FSHR: variants seen among roughly 807,000 people sequenced by gnomAD.
FSHR encodes follicle stimulating hormone receptor.
In FSHR, 46 loss-of-function variants were observed where a neutral mutation model predicts 52.1. That is an observed-to-expected ratio of 0.88 (90% CI 0.70 to 1.13). FSHR has a LOEUF of 1.13. Among genes scored for constraint, FSHR ranks in the 50% most tolerant of loss-of-function variants. The probability of loss-of-function intolerance (pLI) is 0.00; values close to 1 mark genes in which losing one functional copy is unlikely to be tolerated. For missense variants in FSHR, 964 were observed against 834.6 expected, an observed-to-expected ratio of 1.16 and a Z score of -1.91; for synonymous variants, 399 against 309.6, an observed-to-expected ratio of 1.29 and a Z score of -3.03.
chr2:49,039,457 T>C (rs756589829), intron 2 of FSHR, among the ~76,000 whole-genome samples: 5 of 152,212 alleles, frequency 3.3e-5, no homozygotes, highest in Non-Finnish European at 5.9e-5. Context: ...CAGAGCAGTA[T>C]ACAAAGGTCA....
chr2:49,099,523 A>G (rs1344609483), intron 1 of FSHR, among the ~76,000 whole-genome samples: 3 of 152,180 alleles, frequency 2.0e-5, no homozygotes, highest in African/African-American at 7.2e-5. Flanking sequence ...ACCTGTGAAC[A>G]TGACCTTATT....
rs927433744 is a variant in FSHR, at chr2:49,018,470, C to T, written c.300-907G>A. On this transcript the variant is annotated intron_variant, in intron 3 of 9. Coordinates refer to ENST00000406846, the MANE Select transcript of FSHR (RefSeq NM_000145.4). ...ACCAGGCAATTAATCATTTTAAGTA[C>T]AGTCAGTGCTACATGGAGGTGAGCA... Among the ~76,000 whole-genome samples, 16 of 152,300 alleles carry T rather than the reference C, an allele frequency of 1.1e-4. 1 individual carries two copies. The East Asian group carries it at 2.7e-3, about 26-fold the overall frequency.
intron 1 of FSHR, among the ~76,000 whole-genome samples, chr2:49,084,982 C>T (rs1044623242): frequency 6.6e-6 from 1 of 152,142 alleles, no homozygotes; most frequent in Admixed American, 6.6e-5. Context: ...GGAATCCTCC[C>T]TAACTCATTT....
At chr2:49,095,664 A>G (rs941879288) in intron 1 of FSHR, among the ~76,000 whole-genome samples, 6 of 152,300 alleles carry the variant, frequency 3.9e-5, no homozygotes, top group African/African-American at 1.4e-4. Flanking sequence ...ATCAAAAGAC[A>G]CTACCAAGAA....
intron 8 of FSHR, among the ~76,000 whole-genome samples, chr2:48,978,376 G>A (rs1277915699): frequency 6.6e-6 from 1 of 152,182 alleles, no homozygotes; most frequent in African/African-American, 2.4e-5. Flanking sequence ...ATGATCCCAG[G>A]CTGGATAAAA....
At chr2:49,104,704 G>T (rs1485005969) in intron 1 of FSHR, among the ~76,000 whole-genome samples, 1 of 152,080 alleles carries the variant, frequency 6.6e-6, no homozygotes, top group Non-Finnish European at 1.5e-5. Flanking sequence ...CTTCAGCTGG[G>T]TGTTGTTTTT....
At chr2:49,068,152 A>G (rs1267151619) in intron 2 of FSHR, 67 bp downstream of exon 2, 6 of 1,174,748 alleles carry the variant, frequency 5.1e-6, no homozygotes, top group South Asian at 3.7e-5. Flanking sequence ...GTCATACTAG[A>G]TGTGGTCTGA....
At chr2:49,076,180 G>T (rs1243396851) in intron 1 of FSHR, among the ~76,000 whole-genome samples, 2 of 152,140 alleles carry the variant, frequency 1.3e-5, no homozygotes, top group Non-Finnish European at 2.9e-5. Flanking sequence ...CCACAGACTA[G>T]TGTATTAGTC....
chr2:49,104,830 C>T lies in FSHR; in HGVS notation c.153-36540G>A, dbSNP rs922294456. Among the ~76,000 whole-genome samples the T allele has an allele frequency of 5.4e-4, 79 of 147,468 alleles. 1 individual carries two copies. The highest frequency in any genetic ancestry group is 1.8e-3 in the African/African-American group (72 of 40,628). ...CCAGTTCTGCTTAGCCCCAGTGCCC[C>T]CTCTTGGTATGGGGTGGGAAAGAGA... On this transcript the variant is annotated intron_variant, in intron 1 of 9. Coordinates refer to ENST00000406846, the MANE Select transcript of FSHR (RefSeq NM_000145.4).
chr2:49,041,800 G>GA (rs200712246), intron 2 of FSHR, among the ~76,000 whole-genome samples: 23,554 of 144,342 alleles, frequency 0.16, 1,834 homozygotes, highest in Middle Eastern at 0.25. Context: ...TTAAAGAAGT[G>GA]AAAAAAAAAA....
intron 2 of FSHR, among the ~76,000 whole-genome samples, chr2:49,058,946 C>T (rs1452254936): frequency 6.6e-6 from 1 of 152,192 alleles, no homozygotes; most frequent in East Asian, 1.9e-4. Context: ...CAGTGGCCCA[C>T]ACTTGTAACT....
At chr2:48,968,937 G>T (rs1184703314) in intron 8 of FSHR, 54 bp from the exon 9 acceptor site, 5 of 1,541,638 alleles carry the variant, frequency 3.2e-6, no homozygotes, top group African/African-American at 1.4e-5. Flanking sequence ...AAAACTTTCT[G>T]CTCTTGGTTA....
intron 1 of FSHR, among the ~76,000 whole-genome samples, chr2:49,098,145 A>C (rs1670893985): frequency 6.6e-6 from 1 of 152,192 alleles, no homozygotes; most frequent in African/African-American, 2.4e-5. Flanking sequence ...ACTTACATTA[A>C]AAATGATTCC....
chr2:49,079,693 G>T (rs1256947922), intron 1 of FSHR, among the ~76,000 whole-genome samples: 1 of 151,978 alleles, frequency 6.6e-6, no homozygotes, highest in African/African-American at 2.4e-5. Flanking sequence ...TTTCCTTGTG[G>T]AGTAACCTAA....
At chr2:49,065,544 T>C (rs1043925530) in intron 2 of FSHR, among the ~76,000 whole-genome samples, 5 of 152,018 alleles carry the variant, frequency 3.3e-5, no homozygotes, top group Non-Finnish European at 7.4e-5. Flanking sequence ...AATATGGGAA[T>C]ACGAGAAATT....
chr2:49,087,257 G>A lies in FSHR; in HGVS notation c.153-18967C>T, dbSNP rs925628418. Among the ~76,000 whole-genome samples the A allele has an allele frequency of 7.2e-5, 11 of 151,942 alleles. No homozygotes were observed. In the East Asian group the frequency reaches 2.1e-3, roughly 29 times the overall value. On this transcript the variant is annotated intron_variant, in intron 1 of 9. Coordinates refer to ENST00000406846, the MANE Select transcript of FSHR (RefSeq NM_000145.4). ...TTGGTAACTGGGGCCAGATCAGGGT[G>A]GAAAGGACTCTTCTACCTCAGGTGT...
At chr2:48,986,290 A>G (rs1386215330) in intron 6 of FSHR, among the ~76,000 whole-genome samples, 2 of 152,030 alleles carry the variant, frequency 1.3e-5, no homozygotes, top group Non-Finnish European at 2.9e-5. Context: ...TGTTGCTGCA[A>G]AGGGCATGAT....
chr2:49,082,451 A>G (rs1055334671), intron 1 of FSHR, among the ~76,000 whole-genome samples: 1 of 152,248 alleles, frequency 6.6e-6, no homozygotes, highest in African/African-American at 2.4e-5. Context: ...CTCCTCCTCC[A>G]AAGGAACGCA....
chr2:49,054,176 C>A (rs1240605909), intron 2 of FSHR, among the ~76,000 whole-genome samples: 1 of 152,126 alleles, frequency 6.6e-6, no homozygotes, highest in Non-Finnish European at 1.5e-5. Context: ...AATGATGTTA[C>A]CTATCTCCTG....
Sources: allele counts gnomAD v4.1 joint callset (sites outside exome capture counted in the v4.1 genomes callset), GRCh38; gene constraint gnomAD v4.1.1; transcripts MANE v1.5; gene names NCBI Gene and HGNC (gene_info 2026-07-23, HGNC 2026-07-21).